KATNBL1: variants seen among roughly 807,000 people sequenced by gnomAD.
KATNBL1 encodes the protein katanin regulatory subunit B1 like 1.
KATNBL1 carries 28 observed loss-of-function variants against 44.7 expected under a neutral mutation model. The ratio of observed to expected loss-of-function variants is 0.63; its 90% CI spans 0.46 to 0.86. KATNBL1 has a LOEUF of 0.86. KATNBL1 is among the 40% of genes least tolerant of loss of function. The probability of loss-of-function intolerance (pLI) is 0.00; values close to 1 mark genes in which losing one functional copy is unlikely to be tolerated. For missense variants in KATNBL1, 272 were observed against 350.7 expected (o/e 0.78, Z 1.79); for synonymous variants, 78 against 114.9 (o/e 0.68, Z 2.06).
chr15:34,192,699 C>T (rs1385836586), intron 1 of KATNBL1, among the ~76,000 whole-genome samples: 1 of 152,150 alleles, frequency 6.6e-6, no homozygotes, highest in Non-Finnish European at 1.5e-5. Context: ...CTCCTTCCCA[C>T]TCCATACTCC....
chr15:34,174,973 T>C (rs9921002), intron 1 of KATNBL1, among the ~76,000 whole-genome samples: 1 of 134,856 alleles, frequency 7.4e-6, no homozygotes, highest in South Asian at 2.5e-4. Flanking sequence ...GCAGGCCAGG[T>C]TGGTGGCTCA....
chr15:34,157,080 G>C (rs1888660151), intron 2 of KATNBL1, among the ~76,000 whole-genome samples: 2 of 152,176 alleles, frequency 1.3e-5, no homozygotes, highest in South Asian at 4.1e-4. Context: ...ATACTTTTCT[G>C]AAGTGGAGAG....
chr15:34,204,004 C>A (rs999086031), intron 1 of KATNBL1, among the ~76,000 whole-genome samples: 1 of 139,236 alleles, frequency 7.2e-6, no homozygotes, highest in Non-Finnish European at 1.5e-5. Context: ...ATTCTGCACA[C>A]GTACCTCAGA....
intron 1 of KATNBL1, among the ~76,000 whole-genome samples, chr15:34,174,209 T>C (rs1256374458): frequency 6.6e-6 from 1 of 152,140 alleles, no homozygotes; most frequent in Non-Finnish European, 1.5e-5. Flanking sequence ...TAAAAAGAGG[T>C]AAGATTTCTA....
chr15:34,201,577 G>A (rs1203364648), intron 1 of KATNBL1, among the ~76,000 whole-genome samples: 1 of 152,146 alleles, frequency 6.6e-6, no homozygotes, highest in Non-Finnish European at 1.5e-5. Flanking sequence ...GAATCTTTGG[G>A]AAGACTTAGG....
At chr15:34,187,472 C>A (rs1028343438) in intron 1 of KATNBL1, among the ~76,000 whole-genome samples, 1 of 152,156 alleles carries the variant, frequency 6.6e-6, no homozygotes, top group African/African-American at 2.4e-5. Context: ...CCAGAAAAAT[C>A]GACACCCCAG....
chr15:34,199,776 C>G (rs1890125486), intron 1 of KATNBL1: 1 of 152,170 alleles, frequency 6.6e-6, no homozygotes, highest in South Asian at 2.1e-4. Context: ...TGTTCCAGCT[C>G]TTAAAGGTGA....
chr15:34,152,204 T>C (rs1157226114), intron 4 of KATNBL1, among the ~76,000 whole-genome samples: 3 of 151,348 alleles, frequency 2.0e-5, no homozygotes, highest in Non-Finnish European at 4.4e-5. Context: ...TGTTGTCCTT[T>C]TTATTTTTAT....
chr15:34,147,211 G>C lies in KATNBL1; in HGVS notation c.687C>G (p.Ser229Arg). ...LLPLVKSLLK[S>R]KFEEYVIVGL... ...AGATTAGCACTTACTCTTCAAATTT[G>C]CTTTTAAGTAGTGACTTTACTAGAG... Residue 229 changes from serine (S) to arginine (R), a missense_variant, in exon 7 of 10, where the codon AGC (serine) becomes AGG (arginine). Transcript: ENST00000256544. 6.3e-7 allele frequency: 1 copy of C among 1,592,812 alleles called. No individual in the cohort carries two copies. The highest frequency in any genetic ancestry group is 8.6e-7 in the Non-Finnish European group (1 of 1,162,336).
chr15:34,192,186 C>T (rs1889892975), intron 1 of KATNBL1, among the ~76,000 whole-genome samples: 1 of 142,052 alleles, frequency 7.0e-6, no homozygotes, highest in Non-Finnish European at 1.5e-5. Flanking sequence ...AGGTGGATCA[C>T]CAGGTCAGGA....
At chr15:34,156,856 G>T (rs1434880493) in intron 2 of KATNBL1, among the ~76,000 whole-genome samples, 2 of 152,212 alleles carry the variant, frequency 1.3e-5, no homozygotes, top group African/African-American at 4.8e-5. Context: ...TTAGTAAAAT[G>T]AATGTATAGC....
At chr15:34,171,835 G>A (rs1889170629) in intron 1 of KATNBL1, among the ~76,000 whole-genome samples, 1 of 151,660 alleles carries the variant, frequency 6.6e-6, no homozygotes, top group African/African-American at 2.4e-5. Context: ...CTATCACAAG[G>A]GCAGAAAACC....
intron 4 of KATNBL1, among the ~76,000 whole-genome samples, chr15:34,151,399 T>C (rs1021433905): frequency 1.3e-5 from 2 of 151,556 alleles, no homozygotes; most frequent in Non-Finnish European, 2.9e-5. Flanking sequence ...TACATGTATG[T>C]CTTCTTTTGA....
At chr15:34,166,901 A>G (rs1888994959) in intron 1 of KATNBL1, among the ~76,000 whole-genome samples, 1 of 152,212 alleles carries the variant, frequency 6.6e-6, no homozygotes, top group African/African-American at 2.4e-5. Flanking sequence ...TAGCATCAAC[A>G]TCAACAAAAA....
intron 1 of KATNBL1, among the ~76,000 whole-genome samples, chr15:34,176,900 C>G (rs538810780): frequency 2.0e-5 from 3 of 152,156 alleles, no homozygotes; most frequent in Admixed American, 2.0e-4. Flanking sequence ...CCACCAAGAG[C>G]ATTTGACAAT....
intron 1 of KATNBL1, among the ~76,000 whole-genome samples, chr15:34,194,556 G>A (rs910993415): frequency 1.3e-5 from 2 of 152,202 alleles, no homozygotes; most frequent in Non-Finnish European, 2.9e-5. Context: ...CTGGGAGGTG[G>A]AGGCTGCAGT....
chr15:34,208,857 T>C (rs1567542940), intron 1 of KATNBL1: 1 of 152,236 alleles, frequency 6.6e-6, no homozygotes, highest in Non-Finnish European at 1.5e-5. Flanking sequence ...AAGGAGGTAG[T>C]AGAGCAACAG....
chr15:34,141,600 C>CA lies in KATNBL1; in HGVS notation c.*738dup, dbSNP rs1167996568. ...TTCATACATGACATGATGATTCTGGCAAAAAATATCAGAGATACTAAAACT... is the reference window on the plus strand; with the variant it reads ...TTCATACATGACATGATGATTCTGGCAAAAAAATATCAGAGATACTAAAACT... On this transcript the variant is annotated 3_prime_UTR_variant, in exon 10 of 10. Transcript: ENST00000256544. The CA allele has an allele frequency of 6.6e-6, 1 of 152,378 alleles. No individual in the cohort carries two copies. The highest frequency in any genetic ancestry group is 1.5e-5 in the Non-Finnish European group (1 of 67,950). 9.4% of individuals were successfully genotyped at this position (152,378 alleles called of 1,614,324 possible). A position where few individuals can be genotyped will look rare whatever the true frequency, so the allele number is the denominator to read the frequency against.
At chr15:34,193,114 G>C (rs1050233719) in intron 1 of KATNBL1, among the ~76,000 whole-genome samples, 1 of 151,188 alleles carries the variant, frequency 6.6e-6, no homozygotes, top group Non-Finnish European at 1.5e-5. Context: ...CTACTCGGGA[G>C]GCTGAGGCAG....
Sources: gnomAD v4.1 joint callset for allele counts (sites outside exome capture counted in the v4.1 genomes callset) on GRCh38, gnomAD v4.1.1 for gene constraint, MANE v1.5 for transcripts, NCBI Gene and HGNC (gene_info 2026-07-23, HGNC 2026-07-21) for gene names.